Variants in ROBO1 observed in about 807,000 individuals in gnomAD.
The protein encoded by ROBO1 is roundabout guidance receptor 1.
Under a neutral mutation model 195.9 loss-of-function variants are expected in ROBO1, and 149 were observed. The observed-to-expected ratio is 0.76, with a 90% confidence interval of 0.67 to 0.87. The LOEUF is 0.87. Among genes scored for constraint, ROBO1 ranks in the 40% least tolerant of loss-of-function variants. The probability of loss-of-function intolerance (pLI) is 0.00; values close to 1 mark genes in which losing one functional copy is unlikely to be tolerated. For missense variants in ROBO1, 1,933 were observed against 2,068.3 expected (o/e 0.93, Z 1.27); for synonymous variants, 816 against 733.2 (o/e 1.11, Z -1.82).
At chr3:79,259,956 C>A (rs143873903) in intron 2 of ROBO1, among the ~76,000 whole-genome samples, 7 of 151,808 alleles carry the variant, frequency 4.6e-5, no homozygotes, top group African/African-American at 1.7e-4. Flanking sequence ...CCTCTGAGAC[C>A]GGAGGCAAAT....
intron 1 of ROBO1, among the ~76,000 whole-genome samples, chr3:79,627,121 A>G (rs1430109335): frequency 6.6e-6 from 1 of 152,170 alleles, no homozygotes; most frequent in Non-Finnish European, 1.5e-5. Flanking sequence ...ACTACCATTG[A>G]AATTCTACAC....
chr3:78,640,293 T>A (rs963900605), intron 21 of ROBO1, among the ~76,000 whole-genome samples: 5 of 152,304 alleles, frequency 3.3e-5, no homozygotes, highest in Admixed American at 2.6e-4. Context: ...TAAAAAATTG[T>A]GACTCCTTAC....
chr3:79,109,017 T>G (rs968808932), intron 3 of ROBO1, among the ~76,000 whole-genome samples: 1 of 151,980 alleles, frequency 6.6e-6, no homozygotes, highest in Non-Finnish European at 1.5e-5. Flanking sequence ...TCTTTCTTTT[T>G]TTTTAAAACA....
intron 1 of ROBO1, among the ~76,000 whole-genome samples, chr3:79,654,204 T>C (rs777167204): frequency 2.0e-5 from 3 of 152,160 alleles, no homozygotes; most frequent in South Asian, 4.1e-4. Flanking sequence ...ACAATTCATA[T>C]GTAATTAATC....
At chr3:79,519,710 G>A (rs1476697234) in intron 2 of ROBO1, among the ~76,000 whole-genome samples, 2 of 151,732 alleles carry the variant, frequency 1.3e-5, no homozygotes, top group Non-Finnish European at 2.9e-5. Flanking sequence ...CCAGGAGAAG[G>A]TTGAGAGTGA....
intron 3 of ROBO1, among the ~76,000 whole-genome samples, chr3:79,002,733 T>G (rs1219629429): frequency 1.3e-5 from 2 of 152,146 alleles, no homozygotes; most frequent in Non-Finnish European, 2.9e-5. Flanking sequence ...ATTTCATCTT[T>G]GCTTTCTTGA....
chr3:78,619,964 G>A (rs1396312416), intron 26 of ROBO1, among the ~76,000 whole-genome samples: 1 of 149,596 alleles, frequency 6.7e-6, no homozygotes, highest in Non-Finnish European at 1.5e-5. Context: ...GTTGCAGTGA[G>A]CCAAGATCAA....
At chr3:78,676,897 A>G (rs1353679816) in intron 10 of ROBO1, among the ~76,000 whole-genome samples, 2 of 152,188 alleles carry the variant, frequency 1.3e-5, no homozygotes, top group Non-Finnish European at 2.9e-5. Context: ...GTTGAAATGA[A>G]GGAAAAAATG....
intron 4 of ROBO1, among the ~76,000 whole-genome samples, chr3:78,825,063 CTAT>C (rs1238838125): frequency 6.6e-6 from 1 of 152,142 alleles, no homozygotes; most frequent in Non-Finnish European, 1.5e-5. Flanking sequence ...CCTTTTAACA[CTAT>C]CACTCTAACA....
At chr3:79,061,850 C>G (rs530913799) in intron 3 of ROBO1, among the ~76,000 whole-genome samples, 328 of 151,574 alleles carry the variant, frequency 2.2e-3, no homozygotes, top group African/African-American at 7.7e-3. Context: ...AAAATTAATT[C>G]AAGATGGATT....
intron 2 of ROBO1, among the ~76,000 whole-genome samples, chr3:79,127,410 T>G (rs2080236948): frequency 6.6e-6 from 1 of 152,224 alleles, no homozygotes; most frequent in African/African-American, 2.4e-5. Context: ...ACCTACAATC[T>G]TGTTTTAAAT....
chr3:79,463,470 C>T (rs1363337471), intron 2 of ROBO1, among the ~76,000 whole-genome samples: 1 of 151,376 alleles, frequency 6.6e-6, no homozygotes, highest in East Asian at 1.9e-4. Context: ...TGATGTGACC[C>T]TCTCCTGCAA....
intron 3 of ROBO1, among the ~76,000 whole-genome samples, chr3:79,018,155 T>G (rs1049267780): frequency 2.7e-5 from 4 of 150,538 alleles, no homozygotes; most frequent in Middle Eastern, 3.4e-3. Context: ...GCCCTGAACT[T>G]GGCAAAAGGC....
Position 78,932,028 on chromosome 3 carries a change from T to A in ROBO1, c.499+6573A>T, listed in dbSNP as rs539581662. On this transcript the variant is annotated intron_variant, in intron 4 of 30. Coordinates refer to ENST00000464233, the MANE Select transcript of ROBO1 (RefSeq NM_002941.4). ...AGTACTGAGAGCTTCAGTTAAACTC[T>A]ACGGTATTAATTAAAATTAATTATA... is the stretch of plus-strand genomic sequence containing the variant. 1.1e-4 allele frequency among the ~76,000 whole-genome samples: 17 copies of A among 152,290 alleles called. No homozygotes were observed. In the East Asian group the frequency reaches 3.3e-3, roughly 29 times the overall value.
intron 4 of ROBO1, among the ~76,000 whole-genome samples, chr3:78,884,866 C>CTCTG (rs1553756249): frequency 1.4e-5 from 2 of 147,182 alleles, no homozygotes; most frequent in African/African-American, 5.0e-5. Context: ...CTCTCTCTTT[C>CTCTG]TGTGTGTGTG....
chr3:79,027,417 C>A (rs2078221739), intron 3 of ROBO1, among the ~76,000 whole-genome samples: 1 of 151,928 alleles, frequency 6.6e-6, no homozygotes, highest in Non-Finnish European at 1.5e-5. Flanking sequence ...TAATCTATTT[C>A]TCTCTTATAT....
At chr3:79,647,427 A>G (rs1187715677) in intron 1 of ROBO1, among the ~76,000 whole-genome samples, 1 of 152,072 alleles carries the variant, frequency 6.6e-6, no homozygotes, top group Non-Finnish European at 1.5e-5. Flanking sequence ...AAACCAGAAC[A>G]TTAACTACAT....
In ROBO1 at chr3:79,523,238, A is replaced by G. The variant is rs924409567; in HGVS notation, c.88+66586T>C. ...ACAGTTACACAATTCTCAATCCTTT[A>G]GTTAAAGAAACTACAACAGCATGCA... On this transcript the variant is annotated intron_variant, in intron 2 of 30. Transcript: ENST00000464233. Among the ~76,000 whole-genome samples, 8 of 151,928 alleles carry G rather than the reference A, an allele frequency of 5.3e-5. No homozygotes were observed. The East Asian group carries it at 1.4e-3, about 26-fold the overall frequency.
chr3:79,652,829 T>A (rs1946050953), intron 1 of ROBO1, among the ~76,000 whole-genome samples: 1 of 152,060 alleles, frequency 6.6e-6, no homozygotes, highest in Admixed American at 6.6e-5. Context: ...TTCTCTTACT[T>A]TCTGTTTTCT....
Sources: allele counts gnomAD v4.1 joint callset (sites outside exome capture counted in the v4.1 genomes callset), GRCh38; gene constraint gnomAD v4.1.1; transcripts MANE v1.5; gene names NCBI Gene and HGNC (gene_info 2026-07-23, HGNC 2026-07-21).